KAT14: variants seen among roughly 807,000 people sequenced by gnomAD.
KAT14 encodes the protein lysine acetyltransferase 14, also known as cysteine-rich protein 2-binding protein.
A neutral mutation model predicts 78.4 loss-of-function variants in KAT14; 66 were observed. The observed-to-expected ratio is 0.84, with a 90% CI of 0.69 to 1.03. KAT14 has a LOEUF of 1.03. Among genes scored for constraint, KAT14 ranks in the 50% least tolerant of loss-of-function variants. KAT14 has a pLI of 0.00. For synonymous variants in KAT14, 344 were observed against 359.4 expected (o/e 0.96, Z 0.48); for missense variants, 870 against 972.5 (o/e 0.89, Z 1.40).
intron 5 of KAT14, among the ~76,000 whole-genome samples, chr20:18,161,508 CATAAT>C (rs1568668039): frequency 1.3e-5 from 2 of 152,034 alleles, no homozygotes; most frequent in African/African-American, 4.8e-5. Context: ...TGATATTACT[CATAAT>C]AATAAATTAG....
At chr20:18,160,418 T>G (rs1281103856) in intron 5 of KAT14, among the ~76,000 whole-genome samples, 1 of 152,178 alleles carries the variant, frequency 6.6e-6, no homozygotes, top group East Asian at 1.9e-4. Flanking sequence ...TATTATGAGT[T>G]TTCCATTTTT....
At chr20:18,183,076 A>C in intron 8 of KAT14, 47 bp from the exon 9 acceptor site, 1 of 1,565,056 alleles carries the variant, frequency 6.4e-7, no homozygotes, top group Non-Finnish European at 8.6e-7. Flanking sequence ...GAATAATACC[A>C]GGTATTTTTC....
intron 4 of KAT14, among the ~76,000 whole-genome samples, chr20:18,151,874 G>A (rs1027035907): frequency 1.3e-5 from 2 of 151,300 alleles, no homozygotes; most frequent in Admixed American, 6.6e-5. Context: ...GTGGTGGCAG[G>A]CAACTATAAT....
intron 7 of KAT14, among the ~76,000 whole-genome samples, chr20:18,172,808 A>T (rs1479080864): frequency 6.6e-6 from 1 of 152,132 alleles, no homozygotes; most frequent in Non-Finnish European, 1.5e-5. Flanking sequence ...TTTTGTTGAA[A>T]GCCAAAGATG....
At chr20:18,141,768 C>A (rs1401944945) in intron 1 of KAT14, among the ~76,000 whole-genome samples, 2 of 152,156 alleles carry the variant, frequency 1.3e-5, no homozygotes, top group Non-Finnish European at 2.9e-5. Context: ...CCTGTAGTCT[C>A]AGCTACTCGG....
At chr20:18,169,064 T>C (rs531960893) in intron 7 of KAT14, among the ~76,000 whole-genome samples, 4 of 152,304 alleles carry the variant, frequency 2.6e-5, no homozygotes, top group Admixed American at 6.5e-5. Context: ...TCAGAGATTC[T>C]TTACTCAGCC....
intron 7 of KAT14, among the ~76,000 whole-genome samples, chr20:18,165,503 G>A (rs1011761803): frequency 2.6e-5 from 4 of 152,136 alleles, no homozygotes; most frequent in Non-Finnish European, 5.9e-5. Context: ...CCCCTAGTGC[G>A]TACCCCAGAG....
In KAT14 at chr20:18,142,910, A is replaced by G. The variant is rs1049929323; in HGVS notation, c.250A>G (p.Ile84Val). Residue 84 changes from isoleucine (I) to valine (V), a missense_variant, in exon 2 of 11, where the codon ATA becomes GTA. Coordinates refer to ENST00000688188, the MANE Select transcript of KAT14 (RefSeq NM_001392073.1). ...SYFCDKCQKW[I>V]PASQLREQLS... The stretch of plus-strand genomic sequence containing the variant: ...CTTCTGTGACAAGTGCCAAAAATGG[A>G]TACCAGCCAGTAAGGAGCTTCTCAA... The G allele has an allele frequency of 1.2e-6, 2 of 1,613,764 alleles. No individual in the cohort carries two copies. Among genetic ancestry groups the G allele is most frequent in the African/African-American group, 1.3e-5 (1 of 75,058 alleles).
At chr20:18,138,851 G>A (rs2037408406) in intron 1 of KAT14, among the ~76,000 whole-genome samples, 1 of 152,120 alleles carries the variant, frequency 6.6e-6, no homozygotes, top group Non-Finnish European at 1.5e-5. Context: ...AAGCACCTTG[G>A]GAATACAAAG....
intron 7 of KAT14, among the ~76,000 whole-genome samples, chr20:18,164,950 T>C (rs757983263): frequency 2.6e-5 from 4 of 152,158 alleles, no homozygotes; most frequent in Non-Finnish European, 5.9e-5. Flanking sequence ...GTTCTTATTC[T>C]TGTGGGCCTG....
At chr20:18,156,708 G>A (rs577451499) in intron 4 of KAT14, among the ~76,000 whole-genome samples, 1 of 152,100 alleles carries the variant, frequency 6.6e-6, no homozygotes, top group East Asian at 1.9e-4. Flanking sequence ...TTAGCCACAG[G>A]CCTTCCTTGG....
intron 4 of KAT14, among the ~76,000 whole-genome samples, chr20:18,154,178 G>A (rs1487129014): frequency 3.3e-5 from 5 of 152,154 alleles, no homozygotes; most frequent in Admixed American, 1.3e-4. Flanking sequence ...AGACATTTCT[G>A]TGTATGAATG....
intron 3 of KAT14, among the ~76,000 whole-genome samples, chr20:18,146,093 A>G (rs1600217148): frequency 6.6e-6 from 1 of 152,218 alleles, no homozygotes; most frequent in East Asian, 1.9e-4. Context: ...AACTGTCTCT[A>G]ATATCAGCAC....
At chr20:18,147,651 C>T (rs1484859399) in intron 3 of KAT14, among the ~76,000 whole-genome samples, 1 of 152,212 alleles carries the variant, frequency 6.6e-6, no homozygotes, top group African/African-American at 2.4e-5. Context: ...GTGGCACAAT[C>T]TCGGCTCACT....
intron 4 of KAT14, among the ~76,000 whole-genome samples, chr20:18,151,468 A>T (rs1321144924): frequency 6.6e-6 from 1 of 151,410 alleles, no homozygotes; most frequent in Non-Finnish European, 1.5e-5. Flanking sequence ...AAGTGCTTGG[A>T]TTACAGGCGT....
chr20:18,162,285 G>C, intron 6 of KAT14, 46 bp downstream of exon 6: 1 of 1,610,386 alleles, frequency 6.2e-7, no homozygotes, highest in Non-Finnish European at 8.5e-7. Flanking sequence ...TATGGGCCAT[G>C]GTATAAATGT....
At chr20:18,169,128 A>G (rs1356901610) in intron 7 of KAT14, among the ~76,000 whole-genome samples, 2 of 152,044 alleles carry the variant, frequency 1.3e-5, no homozygotes, top group African/African-American at 4.8e-5. Flanking sequence ...TATTGGTTAC[A>G]GTGTTTTTTA....
intron 1 of KAT14, among the ~76,000 whole-genome samples, chr20:18,139,338 G>C (rs1478373620): frequency 2.6e-5 from 4 of 152,202 alleles, no homozygotes; most frequent in Non-Finnish European, 5.9e-5. Context: ...GTAAAATTTA[G>C]TATGACAGAT....
chr20:18,157,347 CTG>C (rs1029868923), intron 4 of KAT14, among the ~76,000 whole-genome samples: 1 of 152,196 alleles, frequency 6.6e-6, no homozygotes, highest in Admixed American at 6.5e-5. Context: ...TCCCAAGTAG[CTG>C]GGACCACAGG....
Sources: gnomAD v4.1 joint callset for allele counts (sites outside exome capture counted in the v4.1 genomes callset) on GRCh38, gnomAD v4.1.1 for gene constraint, MANE v1.5 for transcripts, NCBI Gene and HGNC (gene_info 2026-07-23, HGNC 2026-07-21) for gene names.